The following CEP112 variants were observed in gnomAD, a reference collection of about 807,000 sequenced individuals.
CEP112 encodes the protein centrosomal protein 112, also known as centrosomal protein of 112 kDa.
Under a neutral mutation model 153.0 loss-of-function variants are expected in CEP112, and 127 were observed. The observed-to-expected ratio is 0.83, with a 90% confidence interval of 0.72 to 0.96. The LOEUF (loss-of-function observed/expected upper bound fraction) is 0.96, where lower values mean the gene tolerates loss of function less well. Among genes scored for constraint, CEP112 ranks in the 40% least tolerant of loss-of-function variants. CEP112 has a pLI of 0.00. For missense variants in CEP112, 1,089 were observed against 1,101.2 expected, an observed-to-expected ratio of 0.99 and a Z score of 0.16; for synonymous variants, 358 against 374.4, an observed-to-expected ratio of 0.96 and a Z score of 0.51.
At chr17:66,021,041 C>G (rs2064980617) in intron 16 of CEP112, among the ~76,000 whole-genome samples, 1 of 152,124 alleles carries the variant, frequency 6.6e-6, no homozygotes, top group Non-Finnish European at 1.5e-5. Context: ...TGCAATCTAC[C>G]TGTCTACTGA....
At chr17:66,009,659 C>T (rs2064428600) in intron 16 of CEP112, among the ~76,000 whole-genome samples, 1 of 152,088 alleles carries the variant, frequency 6.6e-6, no homozygotes, top group African/African-American at 2.4e-5. Flanking sequence ...GGGAAAGGGT[C>T]CAGTTTCAAT....
intron 8 of CEP112, among the ~76,000 whole-genome samples, chr17:66,079,481 A>G (rs529115455): frequency 6.6e-6 from 1 of 152,352 alleles, no homozygotes; most frequent in African/African-American, 2.4e-5. Context: ...AAGACATAAA[A>G]GAATATGAAA....
rs1407804025 is a variant in CEP112 at position 65,768,316 on chromosome 17, C to G, written c.2395-17592G>C. 2.0e-5 allele frequency among the ~76,000 whole-genome samples: 3 copies of G among 151,960 alleles called. No homozygotes were observed. In the East Asian group the frequency reaches 5.8e-4, roughly 29 times the overall value. On this transcript the variant is annotated intron_variant, in intron 21 of 26. Coordinates refer to ENST00000535342, the MANE Select transcript of CEP112 (RefSeq NM_001199165.4). ...TCCTAAAGGTCTTCATCCGTGACAT[C>G]TTGATGTTGAGTAGGCTGAGAAGAA...
At chr17:66,078,598 C>T (rs922579613) in intron 8 of CEP112, among the ~76,000 whole-genome samples, 2 of 152,080 alleles carry the variant, frequency 1.3e-5, no homozygotes, top group African/African-American at 2.4e-5. Flanking sequence ...CATTTACATG[C>T]AATGTTAGTA....
At chr17:65,865,246 T>A (rs2058445578) in intron 20 of CEP112, among the ~76,000 whole-genome samples, 1 of 152,096 alleles carries the variant, frequency 6.6e-6, no homozygotes, top group African/African-American at 2.4e-5. Flanking sequence ...CTTGCCATGT[T>A]GCCCAGGATG....
chr17:65,728,610 T>C (rs2050314506), intron 23 of CEP112, among the ~76,000 whole-genome samples: 1 of 152,190 alleles, frequency 6.6e-6, no homozygotes, highest in Non-Finnish European at 1.5e-5. Flanking sequence ...CCTTATGCCA[T>C]TGTGGTATAA....
intron 20 of CEP112, among the ~76,000 whole-genome samples, chr17:65,875,894 G>A (rs767766506): frequency 1.1e-4 from 17 of 152,080 alleles, no homozygotes; most frequent in African/African-American, 2.7e-4. Context: ...AATTTAATAC[G>A]TAGAGTCTAA....
chr17:66,056,934 C>T (rs1166539672), intron 11 of CEP112, among the ~76,000 whole-genome samples: 3 of 152,050 alleles, frequency 2.0e-5, no homozygotes, highest in Non-Finnish European at 2.9e-5. Flanking sequence ...AACAGCAAAA[C>T]GTGTTGACAG....
chr17:65,861,430 T>C (rs35919548), intron 20 of CEP112, among the ~76,000 whole-genome samples: 60,941 of 151,974 alleles, frequency 0.4, 12,797 homozygotes, highest in East Asian at 0.78. Context: ...TTAAGAACAT[T>C]TGTTCATCAA....
At chr17:65,965,521 T>TC (rs2062379873) in intron 17 of CEP112, among the ~76,000 whole-genome samples, 1 of 148,200 alleles carries the variant, frequency 6.7e-6, no homozygotes, top group Non-Finnish European at 1.5e-5. Context: ...CTGCCCCCTT[T>TC]TTTTTTTTTT....
chr17:65,659,378 C>T (rs909207683), intron 24 of CEP112, among the ~76,000 whole-genome samples: 6 of 152,164 alleles, frequency 3.9e-5, no homozygotes, highest in Admixed American at 1.3e-4. Context: ...ATAATCTAAA[C>T]CTCTCCCTCA....
intron 6 of CEP112, among the ~76,000 whole-genome samples, chr17:66,112,304 A>C (rs1364702696): frequency 6.6e-6 from 1 of 152,044 alleles, no homozygotes; most frequent in East Asian, 1.9e-4. Flanking sequence ...AAAAATAAAA[A>C]AATTAAAAAA....
At chr17:65,825,698 A>T (rs2146061271) in intron 21 of CEP112, among the ~76,000 whole-genome samples, 1 of 152,330 alleles carries the variant, frequency 6.6e-6, no homozygotes, top group East Asian at 1.9e-4. Flanking sequence ...CTTAAAATTA[A>T]TTAATTAAAA....
chr17:65,689,167 T>A lies in CEP112; in HGVS notation c.2659A>T (p.Lys887Ter). Reference protein sequence around the residue: ...NRSNQVRCAEKKLQHKELESQ... With the variant: ...NRSNQVRCAE ...TCCAATTCTTTGTGTTGTAATTTTT[T>A]CTCTGCACATCGCACCTGATTAGAA... The change falls in exon 24 of 27, where the codon AAA becomes TAA. Residue 887 changes from lysine (K) to a stop codon, truncating the protein, a stop_gained. Transcript: ENST00000535342. LOFTEE classifies it high-confidence loss of function. The A allele has an allele frequency of 6.2e-7, 1 of 1,613,838 alleles. No homozygotes were observed. The highest frequency in any genetic ancestry group is 8.5e-7 in the Non-Finnish European group (1 of 1,179,730).
intron 1 of CEP112, among the ~76,000 whole-genome samples, chr17:66,183,648 A>AT (rs1200945910): frequency 1.3e-5 from 2 of 152,194 alleles, no homozygotes; most frequent in Non-Finnish European, 2.9e-5. Context: ...AGTGGAAAAG[A>AT]TTAGAGAGTC....
chr17:65,785,761 T>C (rs1199324018), intron 21 of CEP112, among the ~76,000 whole-genome samples: 1 of 152,218 alleles, frequency 6.6e-6, no homozygotes, highest in East Asian at 1.9e-4. Context: ...CATTTTTCTC[T>C]GATATTGCTT....
At chr17:65,673,280 A>G (rs1223331113) in intron 24 of CEP112, among the ~76,000 whole-genome samples, 2 of 152,072 alleles carry the variant, frequency 1.3e-5, no homozygotes, top group Non-Finnish European at 2.9e-5. Flanking sequence ...CTCCCTCTTT[A>G]AAGTGGCAAT....
At chr17:66,164,556 CAAAA>C (rs11317339) in intron 4 of CEP112, among the ~76,000 whole-genome samples, 3 of 104,556 alleles carry the variant, frequency 2.9e-5, no homozygotes, top group African/African-American at 3.7e-5. Flanking sequence ...AACTCTATCT[CAAAA>C]AAAAAAAAAA....
At chr17:65,643,264 C>T (rs112116688) in intron 24 of CEP112, among the ~76,000 whole-genome samples, 7 of 151,910 alleles carry the variant, frequency 4.6e-5, no homozygotes, top group Non-Finnish European at 8.8e-5. Flanking sequence ...TACTGCTGCA[C>T]GCCCTGGAAG....
Sources: allele counts gnomAD v4.1 joint callset (sites outside exome capture counted in the v4.1 genomes callset), GRCh38; gene constraint gnomAD v4.1.1; transcripts MANE v1.5; gene names NCBI Gene and HGNC (gene_info 2026-07-23, HGNC 2026-07-21).